Variants in PTPRJ observed in about 807,000 individuals in gnomAD.
PTPRJ encodes protein tyrosine phosphatase receptor type J.
Under a neutral mutation model 141.3 loss-of-function variants are expected in PTPRJ, and 129 were observed. That is an observed-to-expected ratio of 0.91 (90% CI 0.79 to 1.06). The LOEUF (loss-of-function observed/expected upper bound fraction) is 1.06. Ranked by LOEUF, PTPRJ falls within the 50% of genes least tolerant of loss-of-function variation. The pLI, the probability that PTPRJ is intolerant of heterozygous loss-of-function variation, is 0.00. For synonymous variants in PTPRJ, 610 were observed against 640.5 expected, an observed-to-expected ratio of 0.95 and a Z score of 0.72; for missense variants, 1,601 against 1,679.7, an observed-to-expected ratio of 0.95 and a Z score of 0.82.
chr11:48,074,343 G>A (rs766373639), intron 1 of PTPRJ, among the ~76,000 whole-genome samples: 7 of 152,102 alleles, frequency 4.6e-5, no homozygotes, highest in Non-Finnish European at 5.9e-5. Context: ...TTGGAACCTC[G>A]GATTAATTTG....
At chr11:48,122,147 C>G (rs1394080144) in intron 4 of PTPRJ, among the ~76,000 whole-genome samples, 2 of 152,038 alleles carry the variant, frequency 1.3e-5, no homozygotes, top group Non-Finnish European at 1.5e-5. Flanking sequence ...TCACGGGCAC[C>G]CTGACAAAAC....
intron 1 of PTPRJ, among the ~76,000 whole-genome samples, chr11:48,007,666 G>C (rs1854660349): frequency 1.3e-5 from 2 of 152,214 alleles, no homozygotes; most frequent in South Asian, 4.1e-4. Context: ...CAGAATGCTG[G>C]GATTACAGGT....
intron 1 of PTPRJ, among the ~76,000 whole-genome samples, chr11:48,038,975 C>A (rs1854199774): frequency 6.6e-6 from 1 of 150,636 alleles, no homozygotes; most frequent in Non-Finnish European, 1.5e-5. Flanking sequence ...ATGGTGAAAC[C>A]CCCGTCTCTA....
At chr11:48,078,346 C>T (rs1025036816) in intron 1 of PTPRJ, among the ~76,000 whole-genome samples, 1 of 152,164 alleles carries the variant, frequency 6.6e-6, no homozygotes, top group Non-Finnish European at 1.5e-5. Context: ...GCATGAGCCA[C>T]CGTGCCCGGC....
intron 9 of PTPRJ, among the ~76,000 whole-genome samples, chr11:48,136,798 C>T (rs551042457): frequency 6.6e-6 from 1 of 152,012 alleles, no homozygotes; most frequent in Admixed American, 6.5e-5. Flanking sequence ...TTAAAAGAAG[C>T]CTAAATTAAA....
chr11:48,141,873 G>A (rs546931282), intron 11 of PTPRJ, among the ~76,000 whole-genome samples: 1 of 150,508 alleles, frequency 6.6e-6, no homozygotes, highest in Admixed American at 6.6e-5. Context: ...TTTTGTTGCT[G>A]TGCTTTTTGT....
chr11:47,981,518 G>A (rs2135453614), intron 1 of PTPRJ, among the ~76,000 whole-genome samples: 1 of 152,330 alleles, frequency 6.6e-6, no homozygotes, highest in South Asian at 2.1e-4. Context: ...CGAGGCGCGG[G>A]ACTCCGGGCC....
Position 48,095,010 on chromosome 11 carries a change from G to A in PTPRJ, c.97-15048G>A, listed in dbSNP as rs12292723. ...AGAGAAGGCTGAGGCTCCTTGAGAA[G>A]CATTTGGAGTTTGAGTCAGTTGTGT... On this transcript the variant is annotated intron_variant, in intron 1 of 24. Coordinates refer to ENST00000418331, the MANE Select transcript of PTPRJ (RefSeq NM_002843.4). Among the ~76,000 whole-genome samples, 1,000 of 152,278 alleles carry A rather than the reference G, an allele frequency of 6.6e-3. 15 individuals are homozygous for A. The highest frequency in any genetic ancestry group is 0.022 in the African/African-American group (923 of 41,552).
At chr11:48,061,918 T>G (rs891221522) in intron 1 of PTPRJ, among the ~76,000 whole-genome samples, 37 of 150,046 alleles carry the variant, frequency 2.5e-4, no homozygotes, top group Admixed American at 1.7e-3. Context: ...AGTTTTTTTT[T>G]TTTTTTTTTT....
rs59987198 is a variant in PTPRJ at position 48,051,084 on chromosome 11, CTTTTTTTTTTTT to C, written c.97-58956_97-58945del. Among the ~76,000 whole-genome samples the C allele has an allele frequency of 4.6e-3, 366 of 79,314 alleles. 3 individuals carry two copies. The highest frequency in any genetic ancestry group is 0.018 in the African/African-American group (307 of 17,070). 52.0% of individuals were successfully genotyped at this position (79,314 alleles called of 152,430 possible). On this transcript the variant is annotated intron_variant, in intron 1 of 24. Coordinates refer to ENST00000418331, the MANE Select transcript of PTPRJ (RefSeq NM_002843.4). ...GAGGTGATAGCCAGTTAACTGATGACTTTTTTTTTTTTTTTTTTTTTTTTTTTTTGAGATGGA... is the reference window on the plus strand; with the variant it reads ...GAGGTGATAGCCAGTTAACTGATGACTTTTTTTTTTTTTTTTTGAGATGGA...
chr11:48,038,790 G>A (rs1854193506), intron 1 of PTPRJ, among the ~76,000 whole-genome samples: 1 of 150,794 alleles, frequency 6.6e-6, no homozygotes, highest in South Asian at 2.1e-4. Context: ...GTGCCCGGTG[G>A]AGTAGCCATT....
chr11:48,143,807 CCTCCTCCCCTT>C (rs1206403891), intron 12 of PTPRJ, among the ~76,000 whole-genome samples: 43 of 118,514 alleles, frequency 3.6e-4, no homozygotes, highest in Non-Finnish European at 4.9e-4. Context: ...CCCCTCTCCT[CCTCCTCCCCTT>C]CTCCTCCCCC....
intron 1 of PTPRJ, among the ~76,000 whole-genome samples, chr11:48,002,539 A>T (rs1489548790): frequency 6.6e-6 from 1 of 152,206 alleles, no homozygotes; most frequent in Non-Finnish European, 1.5e-5. Context: ...AGGCATTGTG[A>T]CTATGATCAG....
chr11:48,063,581 T>G (rs1297072368), intron 1 of PTPRJ, among the ~76,000 whole-genome samples: 1 of 151,980 alleles, frequency 6.6e-6, no homozygotes, highest in South Asian at 2.1e-4. Context: ...TGCTGGGGGG[T>G]GGCCGTTTGT....
chr11:48,059,776 G>A (rs375928289), intron 1 of PTPRJ, among the ~76,000 whole-genome samples: 3 of 152,174 alleles, frequency 2.0e-5, no homozygotes, highest in East Asian at 3.9e-4. Flanking sequence ...TAGTTATCAA[G>A]TCTGATTTAC....
chr11:47,982,904 T>C (rs1220034393), intron 1 of PTPRJ, among the ~76,000 whole-genome samples: 1 of 152,118 alleles, frequency 6.6e-6, no homozygotes, highest in Non-Finnish European at 1.5e-5. Flanking sequence ...TTTCTTTTTT[T>C]TTTGGACACA....
chr11:48,138,995 T>C (rs1427887214), intron 10 of PTPRJ, among the ~76,000 whole-genome samples: 1 of 152,152 alleles, frequency 6.6e-6, no homozygotes, highest in Non-Finnish European at 1.5e-5. Context: ...CAACTGGGTA[T>C]GGTGGTGCAT....
rs529087677 is a variant in PTPRJ at position 48,117,805 on chromosome 11, CAAAG to C, written c.353-3195_353-3192del. ...ATAAACTAAGTTGTTTTTTTGAAAA[CAAAG>C]AACATTGACAAAGCTTTAGCTAGAC... is the stretch of plus-strand genomic sequence containing the variant. On this transcript the variant is annotated intron_variant, in intron 3 of 24. Transcript: ENST00000418331. Among the ~76,000 whole-genome samples, 194 of 151,496 alleles carry C rather than the reference CAAAG, an allele frequency of 1.3e-3. 3 individuals are homozygous for C. Among genetic ancestry groups the C allele is most frequent in the Middle Eastern group, 3.4e-3 (1 of 294 alleles).
At chr11:48,081,705 T>C (rs1855562726) in intron 1 of PTPRJ, among the ~76,000 whole-genome samples, 1 of 150,114 alleles carries the variant, frequency 6.7e-6, no homozygotes, top group African/African-American at 2.5e-5. Context: ...ACGGACTCAT[T>C]GTAAGATTCA....
Sources: allele counts gnomAD v4.1 joint callset (sites outside exome capture counted in the v4.1 genomes callset), GRCh38; gene constraint gnomAD v4.1.1; transcripts MANE v1.5; gene names NCBI Gene and HGNC (gene_info 2026-07-23, HGNC 2026-07-21).